The following PRKCB variants were observed in gnomAD, a reference collection of about 807,000 sequenced individuals.
The protein encoded by PRKCB is protein kinase C beta.
In PRKCB, 13 loss-of-function variants were observed where a neutral mutation model predicts 81.5. The ratio of observed to expected loss-of-function variants is 0.16; its 90% confidence interval spans 0.10 to 0.25. PRKCB has a LOEUF of 0.25. Ranked by LOEUF, PRKCB falls within the 10% of genes least tolerant of loss-of-function variation. PRKCB has a pLI of 1.00. For missense variants in PRKCB, 509 were observed against 875.7 expected, an observed-to-expected ratio of 0.58 and a Z score of 5.29; for synonymous variants, 335 against 321.4, an observed-to-expected ratio of 1.04 and a Z score of -0.45.
intron 3 of PRKCB, among the ~76,000 whole-genome samples, chr16:24,010,897 C>T (rs1965194702): frequency 6.6e-6 from 1 of 152,082 alleles, no homozygotes; most frequent in Non-Finnish European, 1.5e-5. Context: ...GATACAAGGT[C>T]TCACTGTGTT....
At chr16:24,161,479 A>G (rs1967256920) in intron 10 of PRKCB, among the ~76,000 whole-genome samples, 1 of 152,152 alleles carries the variant, frequency 6.6e-6, no homozygotes, top group Non-Finnish European at 1.5e-5. Context: ...AACTTACATC[A>G]TTGCAGAAGT....
intron 16 of PRKCB, among the ~76,000 whole-genome samples, chr16:24,209,310 C>A (rs1968098728): frequency 6.8e-6 from 1 of 147,216 alleles, no homozygotes; most frequent in South Asian, 2.1e-4. Context: ...CTCTGCCTCC[C>A]CTTTCTACAG....
intron 3 of PRKCB, among the ~76,000 whole-genome samples, chr16:24,020,981 T>TTTCC (rs1491587819): frequency 1.6e-4 from 15 of 94,748 alleles, no homozygotes; most frequent in Non-Finnish European, 3.0e-4. Context: ...TTTCTTTTTC[T>TTTCC]TTCTTTCTTT....
chr16:24,112,929 G>A (rs776488997), intron 7 of PRKCB, 44 bp from the exon 8 acceptor site: 62 of 1,313,076 alleles, frequency 4.7e-5, no homozygotes, highest in Admixed American at 1.8e-4. Flanking sequence ...AAATAATACC[G>A]AGTCGAGTCA....
chr16:24,070,902 A>T lies in PRKCB; in HGVS notation c.530-21889A>T, dbSNP rs949507414. Among the ~76,000 whole-genome samples, 40 of 152,356 alleles carry T rather than the reference A, an allele frequency of 2.6e-4. No individual in the cohort carries two copies. The Middle Eastern group carries it at 0.014, about 52-fold the overall frequency. Reference sequence around the variant, plus strand: ...TCTCTAAAGTATACTGTGTCACTGAAGATAAGAAAGGAAGAAATCCTGTGA... The same window carrying T: ...TCTCTAAAGTATACTGTGTCACTGATGATAAGAAAGGAAGAAATCCTGTGA... On this transcript the variant is annotated intron_variant, in intron 5 of 16. Coordinates refer to ENST00000643927, the MANE Select transcript of PRKCB (RefSeq NM_002738.7).
At chr16:24,031,029 AC>A (rs1965544518) in intron 3 of PRKCB, among the ~76,000 whole-genome samples, 1 of 152,156 alleles carries the variant, frequency 6.6e-6, no homozygotes, top group Non-Finnish European at 1.5e-5. Context: ...GTGCCACTGC[AC>A]TCCAGCCTGG....
At chr16:23,990,939 A>T (rs11074596) in intron 3 of PRKCB, among the ~76,000 whole-genome samples, 1 of 151,932 alleles carries the variant, frequency 6.6e-6, no homozygotes, top group Non-Finnish European at 1.5e-5. Context: ...AATGAACTGC[A>T]TTCAGCATAC....
chr16:24,000,315 T>C (rs1262935730), intron 3 of PRKCB, among the ~76,000 whole-genome samples: 1 of 152,170 alleles, frequency 6.6e-6, no homozygotes, highest in Non-Finnish European at 1.5e-5. Context: ...ATGCACCTAA[T>C]TTATTCCCTG....
chr16:24,186,616 T>A (rs1342558420), intron 15 of PRKCB, among the ~76,000 whole-genome samples: 1 of 152,238 alleles, frequency 6.6e-6, no homozygotes, highest in Non-Finnish European at 1.5e-5. Flanking sequence ...TGTGGGATGC[T>A]TGCAGACTTT....
At chr16:24,147,765 A>G (rs1291167136) in intron 9 of PRKCB, among the ~76,000 whole-genome samples, 2 of 152,156 alleles carry the variant, frequency 1.3e-5, no homozygotes, top group Non-Finnish European at 2.9e-5. Flanking sequence ...CGGACGAGTC[A>G]CCTAGCTTTG....
chr16:24,124,077 G>A, intron 9 of PRKCB, 96 bp downstream of exon 9: 1 of 1,388,512 alleles, frequency 7.2e-7, no homozygotes, highest in East Asian at 2.3e-5. Flanking sequence ...CCTAGTGGGA[G>A]AGAGAGTAAG....
At chr16:24,114,365 C>T (rs1966712911) in intron 8 of PRKCB, among the ~76,000 whole-genome samples, 1 of 151,226 alleles carries the variant, frequency 6.6e-6, no homozygotes, top group Admixed American at 6.6e-5. Flanking sequence ...GCTCTATTGA[C>T]AGAATGATGC....
At chr16:24,201,098 C>A (rs1967950003) in intron 16 of PRKCB, among the ~76,000 whole-genome samples, 1 of 151,998 alleles carries the variant, frequency 6.6e-6, no homozygotes, top group Non-Finnish European at 1.5e-5. Context: ...CCATCTCTGT[C>A]TTAGCAAATA....
At chr16:24,100,691 C>T (rs1412927017) in intron 7 of PRKCB, among the ~76,000 whole-genome samples, 2 of 152,184 alleles carry the variant, frequency 1.3e-5, no homozygotes, top group Non-Finnish European at 1.5e-5. Context: ...CCTACAATCA[C>T]CCAATGAGTT....
At chr16:23,961,369 A>G (rs1478351474) in intron 2 of PRKCB, among the ~76,000 whole-genome samples, 10 of 152,240 alleles carry the variant, frequency 6.6e-5, no homozygotes, top group Admixed American at 6.5e-4. Context: ...TTCAGGGAAG[A>G]TATGATCAAG....
chr16:23,940,256 G>A (rs1964123125), intron 2 of PRKCB, among the ~76,000 whole-genome samples: 1 of 152,142 alleles, frequency 6.6e-6, no homozygotes, highest in Non-Finnish European at 1.5e-5. Context: ...GCTGAGAATG[G>A]GAACTGCAGT....
intron 10 of PRKCB, among the ~76,000 whole-genome samples, chr16:24,168,716 ATTTTT>A (rs945320742): frequency 1.3e-5 from 1 of 74,498 alleles, no homozygotes; most frequent in Non-Finnish European, 2.9e-5. Flanking sequence ...ATGCCTGGCT[ATTTTT>A]TTTTTTTTTT....
intron 9 of PRKCB, among the ~76,000 whole-genome samples, chr16:24,126,908 A>G (rs1966845298): frequency 6.6e-6 from 1 of 151,748 alleles, no homozygotes; most frequent in Admixed American, 6.6e-5. Flanking sequence ...TATAAGCTCA[A>G]GCAATCATCC....
rs145016072 is a variant in PRKCB at position 24,217,157 on chromosome 16, GA to G, written c.*2343del. Reference sequence around the variant, plus strand: ...AAGAGAAAGGAAGGAAGGAAAGAAGGAAGGAAAAGAAGGAAGGAAGGAAGGA... The same window carrying G: ...AAGAGAAAGGAAGGAAGGAAAGAAGGAGGAAAAGAAGGAAGGAAGGAAGGA... On this transcript the variant is annotated 3_prime_UTR_variant, in exon 17 of 17. Coordinates refer to ENST00000643927, the MANE Select transcript of PRKCB (RefSeq NM_002738.7). 0.035 allele frequency: 33,701 copies of G among 972,124 alleles called. 690 individuals are homozygous for G. The highest frequency in any genetic ancestry group is 0.039 in the Non-Finnish European group (31,784 of 818,428). 60.2% of individuals were successfully genotyped at this position (972,124 alleles called of 1,614,324 possible).
Sources: allele counts gnomAD v4.1 joint callset (sites outside exome capture counted in the v4.1 genomes callset), GRCh38; gene constraint gnomAD v4.1.1; transcripts MANE v1.5; gene names NCBI Gene and HGNC (gene_info 2026-07-23, HGNC 2026-07-21).